ABCA4: variants seen among roughly 807,000 people sequenced by gnomAD.
ABCA4 encodes the protein ATP binding cassette subfamily A member 4.
Under a neutral mutation model 263.7 loss-of-function variants are expected in ABCA4, and 196 were observed. The ratio of observed to expected loss-of-function variants is 0.74; its 90% CI spans 0.66 to 0.84. The LOEUF (loss-of-function observed/expected upper bound fraction) is 0.84. Ranked by LOEUF, ABCA4 falls within the 40% of genes least tolerant of loss-of-function variation. ABCA4 has a pLI of 0.00. For missense variants in ABCA4, 2,792 were observed against 2,855.1 expected (o/e 0.98, Z 0.50); for synonymous variants, 1,133 against 1,094.2 (o/e 1.04, Z -0.70).
chr1:93,997,800 C>A lies in ABCA4; in HGVS notation c.6729+61G>T. The A allele has an allele frequency of 3.7e-6, 6 of 1,609,410 alleles. No individual in the cohort carries two copies. The South Asian group carries it at 5.6e-5, about 15-fold the overall frequency. On this transcript the variant is annotated intron_variant, in intron 48 of 49. Transcript: ENST00000370225. Reference sequence around the variant, plus strand: ...TGCCTCCCTCTTATGGCAATTCCAACCCACACTGGGTGTTCTGGACCAGTC... The same window carrying A: ...TGCCTCCCTCTTATGGCAATTCCAAACCACACTGGGTGTTCTGGACCAGTC...
chr1:94,061,622 A>G (rs1251128391), intron 13 of ABCA4, among the ~76,000 whole-genome samples: 1 of 152,168 alleles, frequency 6.6e-6, no homozygotes, highest in Non-Finnish European at 1.5e-5. Flanking sequence ...GGACTCTCCC[A>G]TACCAAATGA....
chr1:94,103,143 C>CT lies in ABCA4; in HGVS notation c.443-2dup, dbSNP rs755916591. 11 of 1,613,806 alleles carry CT rather than the reference C, an allele frequency of 6.8e-6. No homozygotes were observed. The South Asian group carries it at 1.2e-4, about 18-fold the overall frequency. ...ATATCCCTTATTCGTATTCCTCTTC[C>CT]TACATATGAATAAGAGAAAGAACAG... On this transcript the variant is annotated splice_acceptor_variant, in intron 4 of 49. Coordinates refer to ENST00000370225, the MANE Select transcript of ABCA4 (RefSeq NM_000350.3). LOFTEE classifies it high-confidence loss of function.
chr1:94,120,900 A>AAAC, intron 1 of ABCA4, 80 bp downstream of exon 1: 1 of 247,126 alleles, frequency 4.0e-6, no homozygotes. Context: ...CCACCACCCT[A>AAAC]CCCCACCACC....
intron 47 of ABCA4, 38 bp downstream of exon 47, chr1:94,000,798 C>T (rs968136378): frequency 6.2e-7 from 1 of 1,602,256 alleles, no homozygotes; most frequent in Non-Finnish European, 8.6e-7. Context: ...GGTGGATCCA[C>T]AGAAGGCAAC....
rs61749415 is a variant in ABCA4 at position 94,062,597 on chromosome 1, G to A, written c.1917C>T (p.Tyr639=). The A allele has an allele frequency of 2.5e-6, 4 of 1,614,102 alleles. No individual in the cohort carries two copies. The African/African-American group carries it at 4.0e-5, about 16-fold the overall frequency. Residue 639 remains tyrosine (Y), a synonymous_variant, in exon 13 of 50, where the codon TAC becomes TAT. Transcript: ENST00000370225. The part of the protein sequence containing the change: ...PVGIYLQQMP[Y]PCFVDDSFMI... ...CTCACGAATCGTCCACGAAGCAGGG[G>A]TAGGGCATCTGCTGGAGGTAGATTC...
chr1:94,090,521 CAT>C (rs1661942237), intron 6 of ABCA4, among the ~76,000 whole-genome samples: 1 of 152,158 alleles, frequency 6.6e-6, no homozygotes, highest in Admixed American at 6.5e-5. Flanking sequence ...AGAGTCAACT[CAT>C]TTCAAACTAC....
intron 5 of ABCA4, among the ~76,000 whole-genome samples, chr1:94,099,996 T>C (rs1314143096): frequency 6.6e-6 from 1 of 152,180 alleles, no homozygotes; most frequent in South Asian, 2.1e-4. Flanking sequence ...TGGACTCCCA[T>C]AGCATTGGAC....
In ABCA4 at chr1:94,043,416, T is replaced by C; in HGVS notation, c.3110A>G (p.Glu1037Gly). Reference sequence around the variant, plus strand: ...CATGGCTTCCATCTCCAGCTGGGCCTCCTCCTGGGACTTTCCTTTCAGCTG... The same window carrying C: ...CATGGCTTCCATCTCCAGCTGGGCCCCCTCCTGGGACTTTCCTTTCAGCTG... The part of the protein sequence containing the change: ...YAQLKGKSQE[E>G]AQLEMEAMLE... Residue 1037 changes from glutamate (E) to glycine (G), a missense_variant, in exon 21 of 50, where the codon GAG becomes GGG. Transcript: ENST00000370225. The C allele has an allele frequency of 6.2e-7, 1 of 1,614,146 alleles. No homozygotes were observed. The highest frequency in any genetic ancestry group is 8.5e-7 in the Non-Finnish European group (1 of 1,180,034).
Position 94,063,118 on chromosome 1 carries a change from T to G in ABCA4, c.1754A>C (p.Lys585Thr). 6.2e-7 allele frequency: 1 copy of G among 1,613,356 alleles called. No homozygotes were observed. Among genetic ancestry groups the G allele is most frequent in the Non-Finnish European group, 8.5e-7 (1 of 1,179,572 alleles). The change falls in exon 12 of 50, where the codon AAA becomes ACA. Residue 585 changes from lysine (K) to threonine (T), a missense_variant. Transcript: ENST00000370225. Reference protein sequence around the residue: ...IDVVEKTNKIKDRYWDSGPRA... With the variant: ...IDVVEKTNKITDRYWDSGPRA... ...GCCCTTCCTGAAACATCACCTGTCT[T>G]TAATCTTATTGGTTTTCTCCACCAC... is the stretch of plus-strand genomic sequence containing the variant.
chr1:94,053,891 C>A (rs1660904283), intron 16 of ABCA4, among the ~76,000 whole-genome samples: 3 of 152,222 alleles, frequency 2.0e-5, no homozygotes, highest in Admixed American at 2.0e-4. Context: ...GGCTGCCTAC[C>A]TATTTCTGCC....
Position 94,062,710 on chromosome 1 carries a change from G to A in ABCA4, c.1804C>T (p.Arg602Trp), listed in dbSNP as rs61749409. ...TAGGCAAACCCGCCCCAGATGTACC[G>A]GAAATCTTCCACGGGATCAGCTCTG... Reference protein sequence around the residue: ...GPRADPVEDFRYIWGGFAYLQ... With the variant: ...GPRADPVEDFWYIWGGFAYLQ... The change falls in exon 13 of 50, where the codon CGG becomes TGG. Residue 602 changes from arginine (R) to tryptophan (W), a missense_variant. Transcript: ENST00000370225. 2.3e-5 allele frequency: 37 copies of A among 1,613,984 alleles called. No individual in the cohort carries two copies. Among genetic ancestry groups the A allele is most frequent in the East Asian group, 1.3e-4 (6 of 44,888 alleles).
intron 43 of ABCA4, among the ~76,000 whole-genome samples, chr1:94,006,083 C>T (rs1259593135): frequency 1.3e-5 from 2 of 152,132 alleles, no homozygotes; most frequent in African/African-American, 4.8e-5. Context: ...GAGTTGGGTT[C>T]CACCAACTCC....
intron 35 of ABCA4, 32 bp downstream of exon 35, chr1:94,021,208 A>C: frequency 2.5e-6 from 4 of 1,613,900 alleles, no homozygotes; most frequent in Non-Finnish European, 3.4e-6. Flanking sequence ...AGGTGACAAG[A>C]AAGTGGTGAG....
At position 94,031,069 on chromosome 1, in the gene ABCA4, T is replaced by A; in HGVS notation, c.4180A>T (p.Ile1394Phe). ...GCGGGGTATTCGCCAAAAGGAGGGA[T>A]AACAATAGAAAGCATCAGAGCCAAA... is the stretch of plus-strand genomic sequence containing the variant. ...VFLALMLSIV[I>F]PPFGEYPALT... Residue 1394 changes from isoleucine to phenylalanine, a missense_variant, in exon 28 of 50, where the codon ATC becomes TTC. Ile to Phe is a conservative substitution (Grantham distance 21). Transcript: ENST00000370225. 1 of 1,613,942 alleles carries A rather than the reference T, an allele frequency of 6.2e-7. No homozygotes were observed. The highest frequency in any genetic ancestry group is 8.5e-7 in the Non-Finnish European group (1 of 1,179,986).
intron 47 of ABCA4, among the ~76,000 whole-genome samples, chr1:93,999,446 G>A (rs1424180794): frequency 6.6e-6 from 1 of 152,228 alleles, no homozygotes; most frequent in African/African-American, 2.4e-5. Context: ...TGGGCCAGGT[G>A]GGAGCAAAGG....
chr1:94,012,097 C>T (rs112840432), intron 38 of ABCA4, among the ~76,000 whole-genome samples: 2,806 of 152,258 alleles, frequency 0.018, 89 homozygotes, highest in African/African-American at 0.064. Context: ...TCGAGGCGTA[C>T]GAGGCCAGCA....
chr1:94,007,363 A>C (rs923719298), intron 43 of ABCA4, among the ~76,000 whole-genome samples: 1 of 152,218 alleles, frequency 6.6e-6, no homozygotes, highest in Non-Finnish European at 1.5e-5. Flanking sequence ...GTGACCTCTA[A>C]GAGATTAAGA....
At position 94,062,464 on chromosome 1, in the gene ABCA4, C is replaced by T. The variant is rs562867889; in HGVS notation, c.1937+113G>A. On this transcript the variant is annotated intron_variant, in intron 13 of 49. Coordinates refer to ENST00000370225, the MANE Select transcript of ABCA4 (RefSeq NM_000350.3). The stretch of plus-strand genomic sequence containing the variant: ...ATGCTCTCCAATTTGGCTCTGGTCC[C>T]TGGGGCTCTCTCTAAAGACATGGAA... 108 of 1,357,710 alleles carry T rather than the reference C, an allele frequency of 8.0e-5. 2 individuals carry two copies. The South Asian group carries it at 1.4e-3, about 17-fold the overall frequency. The allele number at this position is 1,357,710 out of a possible 1,614,324, so 84.1% of individuals were successfully genotyped here.
At chr1:94,002,050 C>T (rs1391792097) in intron 44 of ABCA4, 58 bp from the exon 45 acceptor site, 1 of 1,612,818 alleles carries the variant, frequency 6.2e-7, no homozygotes, top group Non-Finnish European at 8.5e-7. Context: ...CAAACCTCCC[C>T]CAGTTCAAAG....
Sources: allele counts gnomAD v4.1 joint callset (sites outside exome capture counted in the v4.1 genomes callset), GRCh38; gene constraint gnomAD v4.1.1; transcripts MANE v1.5; gene names NCBI Gene and HGNC (gene_info 2026-07-23, HGNC 2026-07-21).